LRBA: variants seen among roughly 807,000 people sequenced by gnomAD.
LRBA encodes lipopolysaccharide-responsive and beige-like anchor protein.
In LRBA, 176 loss-of-function variants were observed where a neutral mutation model predicts 330.0. The ratio of observed to expected loss-of-function variants is 0.53; its 90% CI spans 0.47 to 0.60. LRBA has a LOEUF of 0.60. Among genes scored for constraint, LRBA ranks in the 20% least tolerant of loss-of-function variants. The pLI is 0.00. For synonymous variants in LRBA, 1,230 were observed against 1,193.0 expected, an observed-to-expected ratio of 1.03 and a Z score of -0.64; for missense variants, 3,259 against 3,444.8, an observed-to-expected ratio of 0.95 and a Z score of 1.35.
chr4:151,003,993 C>G (rs1032117127), intron 2 of LRBA, among the ~76,000 whole-genome samples: 7 of 151,044 alleles, frequency 4.6e-5, no homozygotes, highest in African/African-American at 1.5e-4. Flanking sequence ...AATCTCAGCT[C>G]AATGCAACCT....
At chr4:150,393,404 T>C (rs1183498597) in intron 47 of LRBA, among the ~76,000 whole-genome samples, 1 of 151,622 alleles carries the variant, frequency 6.6e-6, no homozygotes, top group Admixed American at 6.6e-5. Context: ...CCCCCCCACC[T>C]CTACAATTCT....
chr4:150,565,810 T>C (rs1412054538), intron 40 of LRBA, among the ~76,000 whole-genome samples: 1 of 152,164 alleles, frequency 6.6e-6, no homozygotes, highest in African/African-American at 2.4e-5. Context: ...TTAAATTTAC[T>C]GAATAAAGAC....
chr4:150,300,566 T>C (rs181805533), intron 53 of LRBA, among the ~76,000 whole-genome samples: 20 of 152,158 alleles, frequency 1.3e-4, no homozygotes, highest in African/African-American at 3.6e-4. Flanking sequence ...GCTTTCATTT[T>C]ACAGACAAGA....
intron 46 of LRBA, among the ~76,000 whole-genome samples, chr4:150,416,543 A>G (rs758064921): frequency 6.6e-6 from 1 of 152,184 alleles, no homozygotes; most frequent in Non-Finnish European, 1.5e-5. Context: ...AATCACATTA[A>G]TTAACTAAGC....
chr4:150,876,622 T>C (rs925606518), intron 17 of LRBA, among the ~76,000 whole-genome samples: 3 of 152,134 alleles, frequency 2.0e-5, no homozygotes, highest in African/African-American at 2.4e-5. Flanking sequence ...CTAAGCTTAA[T>C]AAGCAAAGGA....
intron 26 of LRBA, among the ~76,000 whole-genome samples, chr4:150,847,646 C>A (rs1750023433): frequency 6.6e-6 from 1 of 152,184 alleles, no homozygotes; most frequent in Admixed American, 6.5e-5. Context: ...TCTCTCCTCA[C>A]CACCTTCTCT....
chr4:150,971,809 A>G (rs1739610499), intron 2 of LRBA, among the ~76,000 whole-genome samples: 2 of 152,212 alleles, frequency 1.3e-5, no homozygotes, highest in African/African-American at 2.4e-5. Flanking sequence ...TTCACATGCT[A>G]TAAAAAACAG....
intron 47 of LRBA, among the ~76,000 whole-genome samples, chr4:150,412,273 G>A (rs1260995128): frequency 1.3e-5 from 2 of 152,112 alleles, no homozygotes; most frequent in East Asian, 1.9e-4. Context: ...CAAGCAGTAG[G>A]AATCACTGGG....
chr4:150,423,845 C>T (rs995912646), intron 46 of LRBA, among the ~76,000 whole-genome samples: 2 of 152,056 alleles, frequency 1.3e-5, no homozygotes, highest in African/African-American at 2.4e-5. Context: ...TCCCCCCCAC[C>T]GCCCGAGAAT....
In LRBA at chr4:150,921,273, C is replaced by T; in HGVS notation, c.570G>A (p.Leu190=). The T allele has an allele frequency of 6.2e-7, 1 of 1,610,416 alleles. No individual in the cohort carries two copies. Among genetic ancestry groups the T allele is most frequent in the South Asian group, 1.1e-5 (1 of 90,952 alleles). Residue 190 remains leucine, a synonymous_variant, in exon 5 of 57, where the codon TTG becomes TTA. Coordinates refer to ENST00000651943, the MANE Select transcript of LRBA (RefSeq NM_001364905.1). The part of the protein sequence containing the change: ...KGRWPPHAGK[L]LSVLKHMPQK... Reference sequence around the variant, plus strand: ...GAGGCATATGCTTTAACACAGACAGCAACTTCCCAGCATGTGGAGGCTATG... The same window carrying T: ...GAGGCATATGCTTTAACACAGACAGTAACTTCCCAGCATGTGGAGGCTATG...
chr4:150,670,894 TA>T (rs1474937082), intron 37 of LRBA, among the ~76,000 whole-genome samples: 1 of 152,136 alleles, frequency 6.6e-6, no homozygotes, highest in Non-Finnish European at 1.5e-5. Context: ...AGGATACATA[TA>T]AAGGAATTTT....
At chr4:150,403,298 G>C (rs1488447481) in intron 47 of LRBA, among the ~76,000 whole-genome samples, 1 of 152,186 alleles carries the variant, frequency 6.6e-6, no homozygotes, top group Non-Finnish European at 1.5e-5. Flanking sequence ...AACTTGGTGA[G>C]CAAGCATTCC....
intron 40 of LRBA, among the ~76,000 whole-genome samples, chr4:150,507,573 T>C (rs1761264558): frequency 6.6e-6 from 1 of 152,048 alleles, no homozygotes; most frequent in African/African-American, 2.4e-5. Flanking sequence ...ATACAAAAAT[T>C]AATTCAAGAT....
At chr4:150,773,732 A>G (rs1736892862) in intron 34 of LRBA, among the ~76,000 whole-genome samples, 1 of 152,188 alleles carries the variant, frequency 6.6e-6, no homozygotes, top group Non-Finnish European at 1.5e-5. Context: ...CAATGTGGAG[A>G]CACTGCCAAT....
chr4:150,581,398 G>A (rs1771310409), intron 40 of LRBA: 1 of 427,834 alleles, frequency 2.3e-6, no homozygotes, highest in South Asian at 1.7e-5. Context: ...GGGAGGGGAA[G>A]AGAAAGGAGG....
chr4:150,768,165 A>C (rs1736041668), intron 34 of LRBA, among the ~76,000 whole-genome samples: 1 of 152,020 alleles, frequency 6.6e-6, no homozygotes, highest in African/African-American at 2.4e-5. Context: ...GGGCAACAGT[A>C]CATGAGATAC....
At chr4:150,559,900 TATA>T (rs1768054060) in intron 40 of LRBA, among the ~76,000 whole-genome samples, 1 of 47,022 alleles carries the variant, frequency 2.1e-5, no homozygotes, top group African/African-American at 8.2e-5. Context: ...TATAATTATA[TATA>T]ATTATATATA....
chr4:150,559,643 TA>T (rs1767836657), intron 40 of LRBA, among the ~76,000 whole-genome samples: 2 of 56,978 alleles, frequency 3.5e-5, no homozygotes, highest in African/African-American at 1.3e-4. Context: ...TATATTTATA[TA>T]ATATAATATA....
intron 36 of LRBA, among the ~76,000 whole-genome samples, chr4:150,711,347 T>C (rs115827145): frequency 0.014 from 2,141 of 152,044 alleles, 53 homozygotes; most frequent in African/African-American, 0.048. Context: ...ACAATTCTCC[T>C]GCCCCAGCAT....
Sources: allele counts gnomAD v4.1 joint callset (sites outside exome capture counted in the v4.1 genomes callset), GRCh38; gene constraint gnomAD v4.1.1; transcripts MANE v1.5; gene names NCBI Gene and HGNC (gene_info 2026-07-23, HGNC 2026-07-21).